The following DIXDC1 variants were observed in gnomAD, a reference collection of about 807,000 sequenced individuals.
DIXDC1 encodes the protein dixin.
Under a neutral mutation model 103.1 loss-of-function variants are expected in DIXDC1, and 64 were observed. The observed-to-expected ratio is 0.62, with a 90% confidence interval of 0.51 to 0.76. DIXDC1 has a LOEUF of 0.76. DIXDC1 is among the 30% of genes least tolerant of loss of function. The pLI, the probability that DIXDC1 is intolerant of heterozygous loss-of-function variation, is 0.00. For synonymous variants in DIXDC1, 266 were observed against 298.5 expected (o/e 0.89, Z 1.12); for missense variants, 759 against 834.2 (o/e 0.91, Z 1.11).
intron 3 of DIXDC1, among the ~76,000 whole-genome samples, chr11:111,972,269 C>T (rs1432447814): frequency 6.6e-6 from 1 of 152,228 alleles, no homozygotes; most frequent in Non-Finnish European, 1.5e-5. Flanking sequence ...TTTCTGCCTA[C>T]ATTCCTCTTT....
chr11:112,012,332 G>A (rs587771135), intron 17 of DIXDC1, among the ~76,000 whole-genome samples: 13 of 152,286 alleles, frequency 8.5e-5, no homozygotes, highest in Non-Finnish European at 1.6e-4. Flanking sequence ...GTAAAGTTAG[G>A]GTAATCAAGA....
Position 111,968,540 on chromosome 11 carries a change from T to A in DIXDC1, c.218T>A (p.Leu73Gln). ...GGAGAAAAGCTGAGTGGGGTACAGC[T>A]GAGTCCCGGTAACCAACAGGAGATG... ...VAGEKLSGVQ[L>Q]SPGNQQEMKN... The change falls in exon 3 of 20, where the codon CTG (leucine) becomes CAG (glutamine). Residue 73 changes from leucine to glutamine, a missense_variant. Physicochemically the swap from Leu to Gln is moderately radical, Grantham distance 113 (BLOSUM62 -2). Around this residue, in one of 3 missense-constraint regions of DIXDC1, gnomAD observed 97 missense variants for 85.4 expected, o/e 1.14. Transcript: ENST00000440460. The A allele has an allele frequency of 6.2e-7, 1 of 1,613,248 alleles. No individual in the cohort carries two copies.
intron 5 of DIXDC1, among the ~76,000 whole-genome samples, chr11:111,979,841 C>G (rs587729059): frequency 2.2e-4 from 34 of 152,244 alleles, no homozygotes; most frequent in African/African-American, 8.2e-4. Flanking sequence ...GTAGTCCTAG[C>G]TGCTCAGGAG....
intron 1 of DIXDC1, among the ~76,000 whole-genome samples, chr11:111,948,287 A>C (rs587748657): frequency 6.6e-6 from 1 of 152,186 alleles, no homozygotes; most frequent in Non-Finnish European, 1.5e-5. Context: ...ACGGTCCTAC[A>C]TTCCCATTAA....
intron 10 of DIXDC1, among the ~76,000 whole-genome samples, chr11:111,990,628 A>G (rs1860678881): frequency 6.6e-6 from 1 of 152,092 alleles, no homozygotes; most frequent in African/African-American, 2.4e-5. Flanking sequence ...ATGCTAAATG[A>G]TTTATTATAC....
rs587730116 is a variant in DIXDC1, at chr11:111,994,563, ATATG to A, written c.1438-442_1438-439del. 2.9e-3 allele frequency among the ~76,000 whole-genome samples: 434 copies of A among 151,192 alleles called. 3 individuals are homozygous for A. The highest frequency in any genetic ancestry group is 9.5e-3 in the African/African-American group (390 of 41,252). Reference sequence around the variant, plus strand: ...TATATGTATATGTATGTATATATGTATATGTATGTATGTATGTGTATATTATGTA... The same window carrying A: ...TATATGTATATGTATGTATATATGTATATGTATGTATGTGTATATTATGTA... On this transcript the variant is annotated intron_variant, in intron 14 of 19. Transcript: ENST00000440460.
Position 111,971,496 on chromosome 11 carries a change from T to C in DIXDC1, c.317-2527T>C, listed in dbSNP as rs1859924976. ...CTGTGGAGAAAAGGGGACACATATA[T>C]TGTTGGTGGGAATGTAACTTTGTCC... On this transcript the variant is annotated intron_variant, in intron 3 of 19. Coordinates refer to ENST00000440460, the MANE Select transcript of DIXDC1 (RefSeq NM_001037954.4). Among the ~76,000 whole-genome samples, 3 of 152,210 alleles carry C rather than the reference T, an allele frequency of 2.0e-5. No individual in the cohort carries two copies. In the South Asian group the frequency reaches 6.2e-4, roughly 31 times the overall value.
At chr11:111,987,694 C>T (rs1860541631) in intron 9 of DIXDC1, among the ~76,000 whole-genome samples, 1 of 142,090 alleles carries the variant, frequency 7.0e-6, no homozygotes. Flanking sequence ...GAGTTTGGCT[C>T]TGTCACCCAG....
intron 15 of DIXDC1, 130 bp from the exon 16 acceptor site, chr11:111,995,273 A>G: frequency 7.3e-7 from 1 of 1,370,954 alleles, no homozygotes; most frequent in Non-Finnish European, 1.0e-6. Context: ...ATTAAGAATT[A>G]GTGGGCAAAC....
At chr11:111,986,765 C>G (rs191596801) in intron 8 of DIXDC1, 106 bp from the exon 9 acceptor site, 3 of 900,580 alleles carry the variant, frequency 3.3e-6, no homozygotes, top group Non-Finnish European at 5.0e-6. Flanking sequence ...TTTGTATCCA[C>G]AGTACAGAGC....
chr11:111,970,900 G>T (rs941435853), intron 3 of DIXDC1, among the ~76,000 whole-genome samples: 1 of 152,154 alleles, frequency 6.6e-6, no homozygotes, highest in Non-Finnish European at 1.5e-5. Context: ...AATAAATGGT[G>T]CTGGGATAAC....
At chr11:111,999,646 C>A (rs1343792034) in intron 17 of DIXDC1, among the ~76,000 whole-genome samples, 2 of 152,190 alleles carry the variant, frequency 1.3e-5, no homozygotes, top group African/African-American at 4.8e-5. Context: ...GGGTGTATCA[C>A]CTGAGGTTGG....
intron 17 of DIXDC1, among the ~76,000 whole-genome samples, chr11:112,009,775 T>C (rs1347504783): frequency 3.3e-5 from 5 of 152,030 alleles, no homozygotes; most frequent in African/African-American, 1.2e-4. Flanking sequence ...CATGCTAAAA[T>C]CTCTCAATAA....
At chr11:111,986,771 A>G (rs1042213271) in intron 8 of DIXDC1, 100 bp from the exon 9 acceptor site, 2 of 1,020,118 alleles carry the variant, frequency 2.0e-6, no homozygotes, top group Non-Finnish European at 2.9e-6. Flanking sequence ...TCCACAGTAC[A>G]GAGCTGGCAT....
In DIXDC1 at chr11:111,958,443, C is replaced by G. The variant is rs189862851; in HGVS notation, c.61-6106C>G. On this transcript the variant is annotated intron_variant, in intron 1 of 19. Coordinates refer to ENST00000440460, the MANE Select transcript of DIXDC1 (RefSeq NM_001037954.4). The surrounding 1 kb of genome is among the most constrained non-coding windows in gnomAD (Gnocchi z 4.2). ...ATCTTGGAGCAAAGTTGAGGCCAAG[C>G]CCGGGCACTGCCACAACCTGGCTGG... Among the ~76,000 whole-genome samples, 1 of 152,372 alleles carries G rather than the reference C, an allele frequency of 6.6e-6. No individual in the cohort carries two copies. The highest frequency in any genetic ancestry group is 2.4e-5 in the African/African-American group (1 of 41,596).
At chr11:111,933,287 C>T (rs1372318763), upstream of DIXDC1, among the ~76,000 whole-genome samples, 1 of 152,150 alleles carries the variant, frequency 6.6e-6, no homozygotes, top group Non-Finnish European at 1.5e-5. Flanking sequence ...CGCCACCATG[C>T]TCGGCTAATT....
intron 8 of DIXDC1, 92 bp downstream of exon 8, chr11:111,985,413 G>A: frequency 9.8e-7 from 1 of 1,018,900 alleles, no homozygotes; most frequent in Admixed American, 2.7e-5. Flanking sequence ...TTCTTGAAAT[G>A]CTGTCTTCCT....
At chr11:111,947,844 A>T (rs1369205322) in intron 1 of DIXDC1, among the ~76,000 whole-genome samples, 2 of 152,204 alleles carry the variant, frequency 1.3e-5, no homozygotes, top group Non-Finnish European at 2.9e-5. Context: ...TTAATTGAAG[A>T]CAAACTAGTT....
At chr11:111,947,951 G>T (rs1330973869) in intron 1 of DIXDC1, among the ~76,000 whole-genome samples, 1 of 152,154 alleles carries the variant, frequency 6.6e-6, no homozygotes, top group Non-Finnish European at 1.5e-5. Flanking sequence ...CCAGGAGTTC[G>T]AGACTAGCCT....
Sources: allele counts gnomAD v4.1 joint callset (sites outside exome capture counted in the v4.1 genomes callset), GRCh38; gene constraint gnomAD v4.1.1; regional missense constraint gnomAD v4.1.1; non-coding constraint Gnocchi (gnomAD v3.1); transcripts MANE v1.5; gene names NCBI Gene and HGNC (gene_info 2026-07-23, HGNC 2026-07-21).